The following SCAF11 variants were observed in gnomAD, a reference collection of about 807,000 sequenced individuals.
The protein encoded by SCAF11 is protein SCAF11.
SCAF11 carries 47 observed loss-of-function variants against 140.5 expected under a neutral mutation model. The observed-to-expected ratio is 0.33, with a 90% CI of 0.26 to 0.43. SCAF11 has a LOEUF of 0.43. Ranked by LOEUF, SCAF11 falls within the 20% of genes least tolerant of loss-of-function variation. The probability of loss-of-function intolerance (pLI) is 1.00; values close to 1 mark genes in which losing one functional copy is unlikely to be tolerated. For missense variants in SCAF11, 1,645 were observed against 1,705.1 expected (o/e 0.96, Z 0.62); for synonymous variants, 557 against 579.4 (o/e 0.96, Z 0.55).
chr12:45,958,309 C>T (rs1945747219), intron 3 of SCAF11, among the ~76,000 whole-genome samples: 2 of 152,202 alleles, frequency 1.3e-5, no homozygotes, highest in Non-Finnish European at 2.9e-5. Context: ...CAAGACTTCT[C>T]TGTCCTTTAC....
At chr12:45,987,960 T>A (rs990340815) in intron 1 of SCAF11, among the ~76,000 whole-genome samples, 12 of 152,180 alleles carry the variant, frequency 7.9e-5, no homozygotes, top group African/African-American at 2.7e-4. Flanking sequence ...TACATTAAGT[T>A]CATAGACACA....
Position 45,927,870 on chromosome 12 carries a change from A to G in SCAF11, c.1831T>C (p.Leu611=), listed in dbSNP as rs2136509034. ...ATAATTTCACCCTCAGAAGATTCTA[A>G]CTTGGGGCTCTCTATAAGCTCCTCT... The part of the protein sequence containing the change: ...KTEELIESPK[L]ESSEGEIIQT... Residue 611 remains leucine, a synonymous_variant, in exon 11 of 15, where the codon TTA becomes CTA. Transcript: ENST00000369367. 6.2e-7 allele frequency: 1 copy of G among 1,613,682 alleles called. No homozygotes were observed. The highest frequency in any genetic ancestry group is 2.2e-5 in the East Asian group (1 of 44,860).
chr12:45,984,168 T>C (rs1252069918), intron 1 of SCAF11, among the ~76,000 whole-genome samples: 1 of 152,198 alleles, frequency 6.6e-6, no homozygotes, highest in East Asian at 1.9e-4. Flanking sequence ...GAAAAAGGGA[T>C]TACTTCTTTT....
chr12:45,945,130 TAC>T (rs1172252234), intron 6 of SCAF11, 117 bp downstream of exon 6: 3 of 695,878 alleles, frequency 4.3e-6, no homozygotes, highest in Non-Finnish European at 7.6e-6. Context: ...TAACACAATG[TAC>T]AGAGTTCTGA....
At chr12:45,952,878 T>C (rs192992332) in intron 3 of SCAF11, among the ~76,000 whole-genome samples, 3 of 152,230 alleles carry the variant, frequency 2.0e-5, no homozygotes, top group Non-Finnish European at 2.9e-5. Context: ...ATTATTCCTA[T>C]GTAAAAAATG....
chr12:45,951,823 CTA>C, intron 3 of SCAF11, 96 bp from the exon 4 acceptor site: 1 of 794,972 alleles, frequency 1.3e-6, no homozygotes. Flanking sequence ...ATTTTTATCT[CTA>C]TCTTCGAAAG....
intron 1 of SCAF11, among the ~76,000 whole-genome samples, chr12:45,968,867 A>G (rs902948644): frequency 6.6e-6 from 1 of 152,222 alleles, no homozygotes; most frequent in Non-Finnish European, 1.5e-5. Context: ...TGGAGGTTGC[A>G]GAGAGCCGAG....
At chr12:45,984,783 C>G (rs573653513) in intron 1 of SCAF11, among the ~76,000 whole-genome samples, 1 of 152,056 alleles carries the variant, frequency 6.6e-6, no homozygotes, top group South Asian at 2.1e-4. Flanking sequence ...CAAACTCCAC[C>G]TCCCAGGTTC....
At chr12:45,961,173 T>G (rs1159737633) in intron 3 of SCAF11, 2 of 582,030 alleles carry the variant, frequency 3.4e-6, no homozygotes, top group Non-Finnish European at 6.3e-6. Context: ...AATTCACTTC[T>G]GCCTCTTAAA....
chr12:45,929,927 T>C (rs1945000673), intron 10 of SCAF11: 1 of 152,160 alleles, frequency 6.6e-6, no homozygotes, highest in Non-Finnish European at 1.5e-5. Context: ...CAGTCAAAAA[T>C]TGAAACAGTT....
At chr12:45,974,301 T>C (rs1040399398) in intron 1 of SCAF11, 6 of 457,686 alleles carry the variant, frequency 1.3e-5, no homozygotes, top group East Asian at 7.0e-5. Flanking sequence ...AATCACAGGA[T>C]GGTAGTTGCT....
intron 12 of SCAF11, among the ~76,000 whole-genome samples, chr12:45,923,836 C>T (rs1331225382): frequency 2.0e-5 from 3 of 151,526 alleles, no homozygotes; most frequent in Non-Finnish European, 2.9e-5. Context: ...AATGCATCAC[C>T]GCGCCTGGCT....
At chr12:45,967,002 C>T (rs372342801) in intron 1 of SCAF11, among the ~76,000 whole-genome samples, 2 of 152,216 alleles carry the variant, frequency 1.3e-5, no homozygotes, top group African/African-American at 2.4e-5. Flanking sequence ...CTTTATGTAA[C>T]GCAATGATTT....
At chr12:45,983,117 T>C (rs1225153099) in intron 1 of SCAF11, among the ~76,000 whole-genome samples, 1 of 152,202 alleles carries the variant, frequency 6.6e-6, no homozygotes, top group African/African-American at 2.4e-5. Context: ...AGGACTTACG[T>C]TGTGTTTCCT....
intron 4 of SCAF11, among the ~76,000 whole-genome samples, chr12:45,949,454 A>AT (rs1565674885): frequency 1.3e-5 from 2 of 152,090 alleles, no homozygotes; most frequent in Non-Finnish European, 1.5e-5. Flanking sequence ...AATTTATTTC[A>AT]TTTTTTTATT....
chr12:45,968,368 A>G (rs1272180753), intron 1 of SCAF11, among the ~76,000 whole-genome samples: 3 of 152,186 alleles, frequency 2.0e-5, no homozygotes, highest in Admixed American at 6.5e-5. Context: ...TAATGATCTA[A>G]CATACTTCTA....
chr12:45,970,440 C>G (rs1339552470), intron 1 of SCAF11, among the ~76,000 whole-genome samples: 3 of 152,174 alleles, frequency 2.0e-5, no homozygotes, highest in African/African-American at 2.4e-5. Flanking sequence ...AATCCTACTC[C>G]CAAGCCCAAT....
intron 1 of SCAF11, among the ~76,000 whole-genome samples, chr12:45,984,943 C>T (rs930295255): frequency 2.6e-5 from 4 of 152,212 alleles, no homozygotes; most frequent in African/African-American, 9.6e-5. Context: ...GATCCACCTG[C>T]CTTGGCCTCC....
At chr12:45,976,899 G>C (rs929262729) in intron 1 of SCAF11, among the ~76,000 whole-genome samples, 1 of 152,028 alleles carries the variant, frequency 6.6e-6, no homozygotes, top group Admixed American at 6.6e-5. Context: ...GAGACCAAAA[G>C]CTCATTCTTT....
Sources: allele counts gnomAD v4.1 joint callset (sites outside exome capture counted in the v4.1 genomes callset), GRCh38; gene constraint gnomAD v4.1.1; transcripts MANE v1.5; gene names NCBI Gene and HGNC (gene_info 2026-07-23, HGNC 2026-07-21).